FAT3: variants seen among roughly 807,000 people sequenced by gnomAD.
FAT3 encodes the protein FAT atypical cadherin 3, also known as protocadherin Fat 3.
In FAT3, 95 loss-of-function variants were observed where a neutral mutation model predicts 310.2. The ratio of observed to expected loss-of-function variants is 0.31; its 90% CI spans 0.26 to 0.36. FAT3 has a LOEUF of 0.36. Ranked by LOEUF, FAT3 falls within the 10% of genes least tolerant of loss-of-function variation. The pLI is 1.00. For synonymous variants in FAT3, 2,314 were observed against 2,192.9 expected (o/e 1.06, Z -1.54); for missense variants, 5,408 against 5,715.6 (o/e 0.95, Z 1.74).
intron 7 of FAT3, among the ~76,000 whole-genome samples, chr11:92,778,929 T>A (rs1012090852): frequency 9.9e-5 from 15 of 152,222 alleles, no homozygotes; most frequent in Admixed American, 2.6e-4. Flanking sequence ...GAATTTTTTT[T>A]AAAAAATAGG....
chr11:92,285,009 C>A (rs1946523316), intron 1 of FAT3, among the ~76,000 whole-genome samples: 1 of 152,202 alleles, frequency 6.6e-6, no homozygotes, highest in East Asian at 1.9e-4. Flanking sequence ...AGGAAAATGA[C>A]ATTATAGGTA....
intron 3 of FAT3, among the ~76,000 whole-genome samples, chr11:92,597,903 CT>C (rs1283799635): frequency 6.6e-6 from 1 of 152,136 alleles, no homozygotes; most frequent in African/African-American, 2.4e-5. Context: ...AGAACAGTCT[CT>C]GCAGGATATC....
At chr11:92,466,583 T>C (rs1327341770) in intron 2 of FAT3, among the ~76,000 whole-genome samples, 5 of 151,716 alleles carry the variant, frequency 3.3e-5, no homozygotes, top group Non-Finnish European at 7.4e-5. Flanking sequence ...TTAATTATTT[T>C]ATTTTATTAT....
chr11:92,892,207 A>G lies in FAT3; in HGVS notation c.*1094A>G, dbSNP rs761631591. On this transcript the variant is annotated 3_prime_UTR_variant, in exon 28 of 28. Coordinates refer to ENST00000525166, the MANE Select transcript of FAT3 (RefSeq NM_001367949.2). The stretch of plus-strand genomic sequence containing the variant: ...TGTGTGTGTCTGGGCCTATGTACAA[A>G]TATGTGCTTGCACTCAGTAAGGCTG... The G allele has an allele frequency of 4.6e-5, 7 of 152,192 alleles. No individual in the cohort carries two copies. Among genetic ancestry groups the G allele is most frequent in the South Asian group, 2.1e-4 (1 of 4,830 alleles). The allele number at this position is 152,192 out of a possible 1,614,324, so 9.4% of individuals were successfully genotyped here.
At chr11:92,712,334 A>G (rs576239263) in intron 4 of FAT3, among the ~76,000 whole-genome samples, 1 of 152,302 alleles carries the variant, frequency 6.6e-6, no homozygotes, top group South Asian at 2.1e-4. Context: ...TGCCAAGAAT[A>G]AGTCATCTCT....
Position 92,888,916 on chromosome 11 carries a change from T to A in FAT3, c.13052-273T>A, listed in dbSNP as rs552459160. Among the ~76,000 whole-genome samples the A allele has an allele frequency of 2.0e-5, 3 of 152,280 alleles. No individual in the cohort carries two copies. In the East Asian group the frequency reaches 5.8e-4, roughly 29 times the overall value. On this transcript the variant is annotated intron_variant, in intron 25 of 27. Transcript: ENST00000525166. ...TTTTGCTGAGTCATGAGGGGTGACT[T>A]TATGACTCAGCAATCATGACCTATC...
intron 1 of FAT3, chr11:92,335,989 G>C: frequency 2.2e-6 from 1 of 452,032 alleles, no homozygotes; most frequent in Non-Finnish European, 4.3e-6. Context: ...GGCAGGCAAG[G>C]GGTGGGGAAG....
At chr11:92,548,060 A>T (rs1220648428) in intron 3 of FAT3, among the ~76,000 whole-genome samples, 2 of 152,106 alleles carry the variant, frequency 1.3e-5, no homozygotes, top group African/African-American at 4.8e-5. Context: ...TCCAGATGAG[A>T]CCTTAGAGTG....
chr11:92,760,950 A>G (rs1946136293), intron 4 of FAT3, among the ~76,000 whole-genome samples: 1 of 152,226 alleles, frequency 6.6e-6, no homozygotes, highest in Non-Finnish European at 1.5e-5. Flanking sequence ...CCCATTTTCC[A>G]GAGAGAAATA....
chr11:92,594,223 AC>A (rs1205177809), intron 3 of FAT3, among the ~76,000 whole-genome samples: 1 of 152,174 alleles, frequency 6.6e-6, no homozygotes, highest in Admixed American at 6.5e-5. Context: ...CCGGCAGATC[AC>A]CCAAGGTCAG....
chr11:92,856,888 T>C (rs557926609), intron 19 of FAT3, among the ~76,000 whole-genome samples: 1 of 152,292 alleles, frequency 6.6e-6, no homozygotes, highest in South Asian at 2.1e-4. Context: ...CCTTGCATTG[T>C]GATCTTTCTT....
chr11:92,328,827 G>T (rs1365434590), intron 1 of FAT3, among the ~76,000 whole-genome samples: 1 of 152,170 alleles, frequency 6.6e-6, no homozygotes, highest in Non-Finnish European at 1.5e-5. Context: ...GTGATGAATT[G>T]TGTGGCATAG....
At chr11:92,595,029 C>A (rs1939633580) in intron 3 of FAT3, among the ~76,000 whole-genome samples, 1 of 134,576 alleles carries the variant, frequency 7.4e-6, no homozygotes. Context: ...GTGTGTGTAT[C>A]CTTTGGAGCT....
At chr11:92,250,045 A>G (rs1000237375) in intron 1 of FAT3, among the ~76,000 whole-genome samples, 1 of 152,130 alleles carries the variant, frequency 6.6e-6, no homozygotes, top group Non-Finnish European at 1.5e-5. Flanking sequence ...TGGTTGTAAT[A>G]ATTTTATGAG....
At chr11:92,550,786 T>TA (rs1555080983) in intron 3 of FAT3, among the ~76,000 whole-genome samples, 2,079 of 150,734 alleles carry the variant, frequency 0.014, 37 homozygotes, top group East Asian at 0.091. Context: ...TTTTTTTTTT[T>TA]AAAAGAGAGT....
intron 2 of FAT3, among the ~76,000 whole-genome samples, chr11:92,408,364 A>G (rs1396455767): frequency 6.6e-6 from 1 of 151,962 alleles, no homozygotes; most frequent in Non-Finnish European, 1.5e-5. Flanking sequence ...GGAGGGTATC[A>G]TTTGGTCCAT....
chr11:92,841,349 A>G (rs530272473), intron 18 of FAT3, among the ~76,000 whole-genome samples: 1 of 152,222 alleles, frequency 6.6e-6, no homozygotes, highest in Non-Finnish European at 1.5e-5. Context: ...TTTGGATCCC[A>G]TCAGGGAAAC....
At chr11:92,464,744 T>C (rs76268152) in intron 2 of FAT3, among the ~76,000 whole-genome samples, 1,543 of 152,334 alleles carry the variant, frequency 0.01, 30 homozygotes, top group African/African-American at 0.035. Flanking sequence ...TATCCTGAGC[T>C]TTCATTTAAG....
intron 1 of FAT3, among the ~76,000 whole-genome samples, chr11:92,246,816 G>T (rs544247496): frequency 3.9e-5 from 6 of 152,118 alleles, no homozygotes; most frequent in South Asian, 4.1e-4. Flanking sequence ...CAGCAACCTG[G>T]GTACTACAGA....
Sources: gnomAD v4.1 joint callset for allele counts (sites outside exome capture counted in the v4.1 genomes callset) on GRCh38, gnomAD v4.1.1 for gene constraint, MANE v1.5 for transcripts, NCBI Gene and HGNC (gene_info 2026-07-23, HGNC 2026-07-21) for gene names.